The following TTI1 variants were observed in gnomAD, a reference collection of about 807,000 sequenced individuals.
TTI1 encodes TELO2-interacting protein 1 homolog.
Under a neutral mutation model 85.4 loss-of-function variants are expected in TTI1, and 52 were observed. That is an observed-to-expected ratio of 0.61 (90% CI 0.49 to 0.77). The LOEUF is 0.77. Among genes scored for constraint, TTI1 ranks in the 30% least tolerant of loss-of-function variants. The pLI is 0.00. For missense variants in TTI1, 1,173 were observed against 1,296.0 expected, an observed-to-expected ratio of 0.91 and a Z score of 1.46; for synonymous variants, 512 against 503.9, an observed-to-expected ratio of 1.02 and a Z score of -0.22.
intron 2 of TTI1, among the ~76,000 whole-genome samples, chr20:38,007,446 G>C (rs1007877508): frequency 6.6e-6 from 1 of 152,194 alleles, no homozygotes; most frequent in African/African-American, 2.4e-5. Flanking sequence ...TCACAACAGG[G>C]AGGGCACCAA....
At chr20:38,018,673 A>C (rs1419088624) in intron 1 of TTI1, among the ~76,000 whole-genome samples, 2 of 152,148 alleles carry the variant, frequency 1.3e-5, no homozygotes, top group Non-Finnish European at 2.9e-5. Flanking sequence ...AAAGAGGAAA[A>C]CCTTAAAAAG....
Position 37,993,969 on chromosome 20 carries a change from T to C in TTI1, c.3086+2406A>G, listed in dbSNP as rs147825136. Among the ~76,000 whole-genome samples, 1,218 of 152,158 alleles carry C rather than the reference T, an allele frequency of 8.0e-3. 7 individuals carry two copies. The highest frequency in any genetic ancestry group is 0.023 in the African/African-American group (952 of 41,504). ...ATGGTGGCCTGGCCTGGCCTAGTGGTTTGGAGGTGTCGTTTTGAGAGCAAT... is the reference window on the plus strand; with the variant it reads ...ATGGTGGCCTGGCCTGGCCTAGTGGCTTGGAGGTGTCGTTTTGAGAGCAAT... On this transcript the variant is annotated intron_variant, in intron 7 of 7. Coordinates refer to ENST00000373447, the MANE Select transcript of TTI1 (RefSeq NM_001303457.2).
At position 38,012,318 on chromosome 20, in the gene TTI1, T is replaced by G; in HGVS notation, c.1499A>C (p.Asn500Thr). Residue 500 changes from asparagine to threonine, a missense_variant, in exon 2 of 8, where the codon AAT becomes ACT. Asn to Thr is a moderately conservative substitution (Grantham distance 65). Coordinates refer to ENST00000373447, the MANE Select transcript of TTI1 (RefSeq NM_001303457.2). ...QVCQLLGYYG[N>T]LYLLVDHFME... ...AAAGTGATCCACAAGCAAATAAAGA[T>G]TCCCATAATAACCAAGTAGCTGACA... The G allele has an allele frequency of 1.9e-6, 3 of 1,614,162 alleles. No individual in the cohort carries two copies. The highest frequency in any genetic ancestry group is 2.5e-6 in the Non-Finnish European group (3 of 1,180,036).
intron 1 of TTI1, among the ~76,000 whole-genome samples, chr20:38,020,323 A>AAAAAAAAAAT: frequency 1.4e-4 from 7 of 50,382 alleles, no homozygotes; most frequent in South Asian, 9.2e-4. Context: ...AAAAAAAAAA[A>AAAAAAAAAAT]ATATATATAT....
At chr20:38,033,102 A>G (rs6013701) in intron 1 of TTI1, among the ~76,000 whole-genome samples, 1 of 152,156 alleles carries the variant, frequency 6.6e-6, no homozygotes, top group Admixed American at 6.5e-5. Flanking sequence ...CGGGGGGCTG[A>G]GTAGGAGCTC....
In TTI1 at chr20:38,020,323, A is replaced by AAAATATATATATAT; in HGVS notation, c.-41-6467_-41-6466insATATATATATATTT. On this transcript the variant is annotated intron_variant, in intron 1 of 7. Transcript: ENST00000373447. ...GGCTACTCATATGAAAAAAAAAAAA[A>AAAATATATATATAT]ATATATATATATATATATATATATA... Among the ~76,000 whole-genome samples, 77 of 50,336 alleles carry AAAATATATATATAT rather than the reference A, an allele frequency of 1.5e-3. 1 individual carries two copies. The highest frequency in any genetic ancestry group is 0.013 in the East Asian group (23 of 1,736). 33.0% of individuals were successfully genotyped at this position (50,336 alleles called of 152,430 possible). A position where few individuals can be genotyped will look rare whatever the true frequency, so the allele number is the denominator to read the frequency against.
At chr20:38,026,566 T>C (rs1600657742) in intron 1 of TTI1, among the ~76,000 whole-genome samples, 1 of 152,140 alleles carries the variant, frequency 6.6e-6, no homozygotes, top group African/African-American at 2.4e-5. Context: ...CGCAGAACCA[T>C]ATACTCAGCA....
intron 1 of TTI1, among the ~76,000 whole-genome samples, chr20:38,026,734 G>T (rs1045535896): frequency 6.6e-6 from 1 of 152,184 alleles, no homozygotes; most frequent in African/African-American, 2.4e-5. Context: ...TAAGGGGGAA[G>T]AAAGAACATG....
chr20:38,014,503 G>A (rs181313737), intron 1 of TTI1, among the ~76,000 whole-genome samples: 1 of 152,254 alleles, frequency 6.6e-6, no homozygotes, highest in East Asian at 1.9e-4. Flanking sequence ...GGGGTGATAT[G>A]GTCAACTTTA....
At position 37,983,241 on chromosome 20, in the gene TTI1, T is replaced by G; in HGVS notation, c.*215A>C. On this transcript the variant is annotated 3_prime_UTR_variant, in exon 8 of 8. Coordinates refer to ENST00000373447, the MANE Select transcript of TTI1 (RefSeq NM_001303457.2). ...CCTTAGAGCCACCAGACAATGTCACTTGACAACACAAGGTATGAAACATAA... is the reference window on the plus strand; with the variant it reads ...CCTTAGAGCCACCAGACAATGTCACGTGACAACACAAGGTATGAAACATAA... 1.9e-6 allele frequency: 1 copy of G among 527,636 alleles called. No homozygotes were observed. The highest frequency in any genetic ancestry group is 3.3e-6 in the Non-Finnish European group (1 of 300,604). The allele number at this position is 527,636 out of a possible 1,614,324, so 32.7% of individuals were successfully genotyped here.
At position 38,011,530 on chromosome 20, in the gene TTI1, G is replaced by A. The variant is rs2073587331; in HGVS notation, c.2287C>T (p.Leu763=). 6.2e-7 allele frequency: 1 copy of A among 1,614,084 alleles called. No individual in the cohort carries two copies. Among genetic ancestry groups the A allele is most frequent in the Non-Finnish European group, 8.5e-7 (1 of 1,179,976 alleles). ...CTCAATGTACCTAATGCTGCCATCAGAGCATGCAGAACGCTGACAAAGGAA... is the reference window on the plus strand; with the variant it reads ...CTCAATGTACCTAATGCTGCCATCAAAGCATGCAGAACGCTGACAAAGGAA... ...AASFVSVLHA[L]MAALAQWFPD... The change falls in exon 2 of 8, where the codon CTG becomes TTG. Residue 763 remains leucine, a synonymous_variant. Transcript: ENST00000373447.
intron 1 of TTI1, among the ~76,000 whole-genome samples, 158 bp downstream of exon 1, chr20:38,033,246 T>C (rs963285040): frequency 9.9e-5 from 15 of 152,006 alleles, no homozygotes; most frequent in African/African-American, 3.4e-4. Context: ...GCCGAACACA[T>C]ATGGAGGAAA....
chr20:37,983,543 G>T lies in TTI1; in HGVS notation c.3183C>A (p.Ser1061Arg). Residue 1061 changes from serine (S) to arginine (R), a missense_variant, in exon 8 of 8, where the codon AGC (serine) becomes AGA (arginine). Physicochemically the swap from Ser to Arg is moderately radical, Grantham distance 110. Coordinates refer to ENST00000373447, the MANE Select transcript of TTI1 (RefSeq NM_001303457.2). The part of the protein sequence containing the change: ...CPVQFTPPHP[S>R]LHPVQLHGAS... ...CCCCGTGCAGCTGCACAGGGTGGAG[G>T]CTGGGGTGGGGAGGTGTGAACTGCA... 1 of 1,611,330 alleles carries T rather than the reference G, an allele frequency of 6.2e-7. No individual in the cohort carries two copies. Among genetic ancestry groups the T allele is most frequent in the Middle Eastern group, 1.7e-4 (1 of 6,050 alleles).
intron 2 of TTI1, among the ~76,000 whole-genome samples, chr20:38,009,112 T>C (rs1332593024): frequency 1.3e-5 from 2 of 152,184 alleles, no homozygotes; most frequent in African/African-American, 4.8e-5. Context: ...TTGAGAGATA[T>C]ATTTCACAGG....
chr20:38,032,561 G>A (rs1418908286), intron 1 of TTI1, among the ~76,000 whole-genome samples: 1 of 152,136 alleles, frequency 6.6e-6, no homozygotes, highest in Non-Finnish European at 1.5e-5. Context: ...AAAAAAAATA[G>A]GGTCAAGGTT....
At position 37,996,836 on chromosome 20, in the gene TTI1, C is replaced by T. The variant is rs368637472; in HGVS notation, c.2911G>A (p.Gly971Arg). The change falls in exon 6 of 8, where the codon GGA becomes AGA. Residue 971 changes from glycine (G) to arginine (R), a missense_variant. Transcript: ENST00000373447. ...VTQAPISARA[G>R]PVYSHTLAFK... ...GCCAGCGTGTGCGAGTAAACTGGTC[C>T]AGCCCTGGCACTGATGGGGGCCTGG... is the stretch of plus-strand genomic sequence containing the variant. 3.1e-5 allele frequency: 50 copies of T among 1,614,000 alleles called. No individual in the cohort carries two copies. Among genetic ancestry groups the T allele is most frequent in the Admixed American group, 5.0e-5 (3 of 60,002 alleles).
intron 1 of TTI1, chr20:38,018,884 T>G (rs2122620215): frequency 6.6e-6 from 1 of 151,912 alleles, no homozygotes; most frequent in Non-Finnish European, 1.5e-5. Context: ...CATGGGTGGC[T>G]CACACCTATA....
intron 1 of TTI1, among the ~76,000 whole-genome samples, chr20:38,030,841 C>A (rs980807058): frequency 1.3e-5 from 2 of 152,194 alleles, no homozygotes; most frequent in African/African-American, 4.8e-5. Context: ...GACATCTATA[C>A]TCAGATAGGC....
At chr20:38,025,549 A>C (rs936843917) in intron 1 of TTI1, among the ~76,000 whole-genome samples, 4 of 152,040 alleles carry the variant, frequency 2.6e-5, no homozygotes, top group African/African-American at 7.2e-5. Context: ...AGCCTGGGCA[A>C]CAAGAGCGAC....
Sources: allele counts gnomAD v4.1 joint callset (sites outside exome capture counted in the v4.1 genomes callset), GRCh38; gene constraint gnomAD v4.1.1; transcripts MANE v1.5; gene names NCBI Gene and HGNC (gene_info 2026-07-23, HGNC 2026-07-21).